CAMK4: variants seen among roughly 807,000 people sequenced by gnomAD.
CAMK4 encodes the protein calcium/calmodulin dependent protein kinase IV, also known as calcium/calmodulin-dependent protein kinase type IV.
Under a neutral mutation model 44.9 loss-of-function variants are expected in CAMK4, and 22 were observed. That is an observed-to-expected ratio of 0.49 (90% CI 0.35 to 0.70). The LOEUF (loss-of-function observed/expected upper bound fraction) is 0.70. Among genes scored for constraint, CAMK4 ranks in the 30% least tolerant of loss-of-function variants. The pLI, the probability that CAMK4 is intolerant of heterozygous loss-of-function variation, is 0.01. For synonymous variants in CAMK4, 218 were observed against 215.4 expected (o/e 1.01, Z -0.11); for missense variants, 498 against 586.8 (o/e 0.85, Z 1.56).
chr5:111,373,943 T>C (rs1359563021), intron 2 of CAMK4, among the ~76,000 whole-genome samples: 1 of 152,036 alleles, frequency 6.6e-6, no homozygotes, highest in Non-Finnish European at 1.5e-5. Flanking sequence ...ATTAAAGGGG[T>C]CAATCACTGG....
intron 5 of CAMK4, among the ~76,000 whole-genome samples, chr5:111,410,657 C>T (rs779198557): frequency 6.6e-6 from 1 of 151,876 alleles, no homozygotes; most frequent in Non-Finnish European, 1.5e-5. Flanking sequence ...ATTATATGGG[C>T]GTGATGTGAA....
chr5:111,230,581 A>T (rs1748421673), intron 1 of CAMK4, among the ~76,000 whole-genome samples: 1 of 150,630 alleles, frequency 6.6e-6, no homozygotes, highest in Admixed American at 6.6e-5. Context: ...AAAAAAAAAG[A>T]CACAGGTGCC....
chr5:111,265,889 G>A (rs1750218328), intron 1 of CAMK4: 1 of 152,168 alleles, frequency 6.6e-6, no homozygotes, highest in Admixed American at 6.5e-5. Flanking sequence ...GGAAAGGGAA[G>A]GAAATGAGTT....
chr5:111,322,383 G>A (rs1407569207), intron 1 of CAMK4, among the ~76,000 whole-genome samples: 1 of 151,958 alleles, frequency 6.6e-6, no homozygotes, highest in African/African-American at 2.4e-5. Context: ...AAATAAGAAG[G>A]ATCACGTCCT....
chr5:111,386,219 C>CA (rs1170492815), intron 4 of CAMK4, among the ~76,000 whole-genome samples: 2 of 152,170 alleles, frequency 1.3e-5, no homozygotes, highest in Admixed American at 1.3e-4. Context: ...TAGATTTACA[C>CA]AGAGTACAGC....
At chr5:111,466,071 C>T (rs538957083) in intron 7 of CAMK4, among the ~76,000 whole-genome samples, 139 of 152,140 alleles carry the variant, frequency 9.1e-4, no homozygotes, top group African/African-American at 3.0e-3. Flanking sequence ...ATGTGATACA[C>T]CACATAAACA....
At chr5:111,365,725 A>C (rs1199045634) in intron 2 of CAMK4, among the ~76,000 whole-genome samples, 1 of 152,034 alleles carries the variant, frequency 6.6e-6, no homozygotes. Flanking sequence ...AAAACAAGTC[A>C]CTCCTTGAGA....
At chr5:111,295,455 G>A (rs1241853069) in intron 1 of CAMK4, among the ~76,000 whole-genome samples, 1 of 152,172 alleles carries the variant, frequency 6.6e-6, no homozygotes, top group Non-Finnish European at 1.5e-5. Flanking sequence ...GCCCTAAAAT[G>A]ATTCCTAAGA....
chr5:111,464,258 T>C (rs186329285), intron 7 of CAMK4, among the ~76,000 whole-genome samples: 1 of 151,862 alleles, frequency 6.6e-6, no homozygotes, highest in East Asian at 1.9e-4. Flanking sequence ...GAAGACAAAG[T>C]TTTTGGATTA....
intron 4 of CAMK4, among the ~76,000 whole-genome samples, chr5:111,385,891 TTGAGTCAGGCCTTTTATCTATAGTA>T (rs1751583567): frequency 1.3e-5 from 2 of 152,150 alleles, no homozygotes; most frequent in South Asian, 4.2e-4. Context: ...TATATATCTT[TTGAGTCAGGCCTTTTATCTATAGTA>T]TGAGAGAAGT....
At chr5:111,424,639 G>A (rs1436499816) in intron 5 of CAMK4, among the ~76,000 whole-genome samples, 1 of 151,146 alleles carries the variant, frequency 6.6e-6, no homozygotes, top group Non-Finnish European at 1.5e-5. Flanking sequence ...AGTAGAGATG[G>A]GGTTTCACCA....
chr5:111,282,377 A>G, intron 1 of CAMK4, among the ~76,000 whole-genome samples: 1 of 152,310 alleles, frequency 6.6e-6, no homozygotes, highest in Middle Eastern at 3.4e-3. Flanking sequence ...ACTACTGGGT[A>G]ATATTTGTAT....
At chr5:111,480,117 G>A (rs1755381108) in intron 9 of CAMK4, among the ~76,000 whole-genome samples, 4 of 152,068 alleles carry the variant, frequency 2.6e-5, no homozygotes, top group South Asian at 2.1e-4. Context: ...TCTCCCCTTT[G>A]ATCACTTTTC....
chr5:111,234,171 A>G (rs537985885), intron 1 of CAMK4, among the ~76,000 whole-genome samples: 1 of 152,188 alleles, frequency 6.6e-6, no homozygotes, highest in South Asian at 2.1e-4. Context: ...AAACTTCTTT[A>G]TATTTAAATA....
chr5:111,429,214 A>T (rs547455720), intron 5 of CAMK4, among the ~76,000 whole-genome samples: 1 of 152,308 alleles, frequency 6.6e-6, no homozygotes, highest in African/African-American at 2.4e-5. Context: ...GTTTCTTTGA[A>T]AAAATAAACA....
At chr5:111,343,008 TTAAAA>T (rs1749708813) in intron 1 of CAMK4, among the ~76,000 whole-genome samples, 1 of 151,712 alleles carries the variant, frequency 6.6e-6, no homozygotes, top group South Asian at 2.1e-4. Flanking sequence ...TTAAAGCAAT[TTAAAA>T]TAAGGAAATG....
chr5:111,261,575 T>TC (rs1475182578), intron 1 of CAMK4, among the ~76,000 whole-genome samples: 1 of 152,090 alleles, frequency 6.6e-6, no homozygotes. Context: ...TTTTTTTTTT[T>TC]TCCAGGTCAC....
intron 5 of CAMK4, among the ~76,000 whole-genome samples, chr5:111,430,193 A>G (rs1753391947): frequency 2.6e-5 from 4 of 152,206 alleles, no homozygotes; most frequent in Non-Finnish European, 5.9e-5. Flanking sequence ...GACATGTCAT[A>G]TCAACAGAAT....
At chr5:111,367,151 C>G (rs371069088) in intron 2 of CAMK4, among the ~76,000 whole-genome samples, 8 of 149,392 alleles carry the variant, frequency 5.4e-5, no homozygotes, top group African/African-American at 2.0e-4. Context: ...AAACAGAATA[C>G]CGCATTCTAG....
Sources: gnomAD v4.1 joint callset for allele counts (sites outside exome capture counted in the v4.1 genomes callset) on GRCh38, gnomAD v4.1.1 for gene constraint, MANE v1.5 for transcripts, NCBI Gene and HGNC (gene_info 2026-07-23, HGNC 2026-07-21) for gene names.